The following GLRA1 variants were observed in gnomAD, a reference collection of about 807,000 sequenced individuals.
GLRA1 encodes glycine receptor subunit alpha-1.
GLRA1 carries 37 observed loss-of-function variants against 48.3 expected under a neutral mutation model. The observed-to-expected ratio is 0.77, with a 90% CI of 0.59 to 1.01. The LOEUF is 1.01. Ranked by LOEUF, GLRA1 falls within the 50% of genes least tolerant of loss-of-function variation. GLRA1 has a pLI of 0.00. For missense variants in GLRA1, 427 were observed against 571.0 expected, an observed-to-expected ratio of 0.75 and a Z score of 2.57; for synonymous variants, 196 against 210.7, an observed-to-expected ratio of 0.93 and a Z score of 0.60.
chr5:151,865,124 C>G lies in GLRA1; in HGVS notation c.253-5116G>C, dbSNP rs78196632. On this transcript the variant is annotated intron_variant, in intron 3 of 8. Transcript: ENST00000274576. ...TTTTATTTTTTCCAGCAACATTTAA[C>G]TGAGCTCTCTTAAGTGCCAGATACT... Among the ~76,000 whole-genome samples the G allele has an allele frequency of 8.6e-3, 1,308 of 152,272 alleles. 16 individuals carry two copies. Among genetic ancestry groups the G allele is most frequent in the African/African-American group, 0.03 (1,255 of 41,546 alleles).
intron 1 of GLRA1, among the ~76,000 whole-genome samples, chr5:151,892,750 T>C (rs1754111327): frequency 6.6e-6 from 1 of 152,140 alleles, no homozygotes; most frequent in African/African-American, 2.4e-5. Context: ...GAGAGAAGAT[T>C]GGAGGGTTAG....
intron 7 of GLRA1, chr5:151,850,401 A>G: frequency 8.1e-7 from 1 of 1,238,528 alleles, no homozygotes; most frequent in Non-Finnish European, 1.2e-6. Context: ...TCCCAAGCCC[A>G]TTCCTGGGAA....
intron 3 of GLRA1, among the ~76,000 whole-genome samples, chr5:151,883,447 G>A (rs919002242): frequency 2.0e-5 from 3 of 152,106 alleles, no homozygotes; most frequent in Admixed American, 2.0e-4. Context: ...TATAGGTTAT[G>A]AGAACTGGAT....
intron 1 of GLRA1, among the ~76,000 whole-genome samples, chr5:151,910,577 A>C (rs1057337938): frequency 1.3e-5 from 2 of 151,960 alleles, no homozygotes; most frequent in African/African-American, 4.8e-5. Context: ...GCCATTTTTG[A>C]CTTTTCTGCA....
chr5:151,912,269 T>G (rs1036612641), intron 1 of GLRA1, among the ~76,000 whole-genome samples: 2 of 151,250 alleles, frequency 1.3e-5, no homozygotes, highest in East Asian at 1.9e-4. Flanking sequence ...ACTGTTTTTT[T>G]TTTTTTTTTT....
chr5:151,853,776 T>C (rs1752969242), intron 6 of GLRA1, among the ~76,000 whole-genome samples: 1 of 152,166 alleles, frequency 6.6e-6, no homozygotes, highest in South Asian at 2.1e-4. Context: ...TAGGAATCTA[T>C]TGCCAAATCT....
chr5:151,842,366 A>C (rs534083171), intron 7 of GLRA1, among the ~76,000 whole-genome samples: 20 of 152,228 alleles, frequency 1.3e-4, no homozygotes, highest in African/African-American at 4.6e-4. Context: ...ACTCTCAGGA[A>C]AACACTAGCA....
At chr5:151,824,511 C>T (rs530074530) in intron 8 of GLRA1, among the ~76,000 whole-genome samples, 4 of 152,274 alleles carry the variant, frequency 2.6e-5, no homozygotes, top group African/African-American at 9.6e-5. Flanking sequence ...GTGTTCTATG[C>T]TTTAGTCACT....
At chr5:151,877,590 C>T (rs114352923) in intron 3 of GLRA1, among the ~76,000 whole-genome samples, 1 of 152,184 alleles carries the variant, frequency 6.6e-6, no homozygotes, top group Non-Finnish European at 1.5e-5. Flanking sequence ...GTGTCCCCAC[C>T]CAAATCTCAT....
intron 7 of GLRA1, chr5:151,850,407 GGGAA>G: frequency 8.1e-7 from 1 of 1,234,972 alleles, no homozygotes; most frequent in Non-Finnish European, 1.2e-6. Flanking sequence ...GCCCATTCCT[GGGAA>G]CAGGAAGTGT....
chr5:151,833,637 A>T (rs1232601909), intron 7 of GLRA1, among the ~76,000 whole-genome samples: 1 of 151,812 alleles, frequency 6.6e-6, no homozygotes, highest in African/African-American at 2.4e-5. Flanking sequence ...CTAATTTTGT[A>T]TTTTTAGTAG....
intron 1 of GLRA1, among the ~76,000 whole-genome samples, chr5:151,909,938 A>G (rs1424631850): frequency 1.3e-5 from 2 of 151,806 alleles, no homozygotes; most frequent in Non-Finnish European, 2.9e-5. Context: ...ATGAAATTGC[A>G]CAGTGAATTG....
chr5:151,859,646 G>T, intron 4 of GLRA1, 139 bp downstream of exon 4: 1 of 691,072 alleles, frequency 1.4e-6, no homozygotes, highest in Non-Finnish European at 2.7e-6. Context: ...ACAGAGCTGG[G>T]TCTACCTATT....
At chr5:151,876,939 C>T (rs189225606) in intron 3 of GLRA1, among the ~76,000 whole-genome samples, 180 of 152,266 alleles carry the variant, frequency 1.2e-3, no homozygotes, top group African/African-American at 4.2e-3. Context: ...AGATCTCTCT[C>T]TCTCTCTCTC....
intron 7 of GLRA1, among the ~76,000 whole-genome samples, chr5:151,848,106 T>C (rs931494669): frequency 5.3e-5 from 8 of 152,230 alleles, no homozygotes; most frequent in African/African-American, 1.9e-4. Flanking sequence ...GCTGCTATCT[T>C]AGAAAGGGCC....
At chr5:151,894,608 T>A (rs1301764952) in intron 1 of GLRA1, among the ~76,000 whole-genome samples, 1 of 152,208 alleles carries the variant, frequency 6.6e-6, no homozygotes, top group African/African-American at 2.4e-5. Context: ...GTTTGTGTTT[T>A]AAGAGCAGGA....
At chr5:151,924,470 T>C (rs1243928822) in intron 1 of GLRA1, 24 bp downstream of exon 1, 6 of 1,409,628 alleles carry the variant, frequency 4.3e-6, no homozygotes, top group Non-Finnish European at 6.0e-6. Context: ...ATCAGAGCGA[T>C]GTGGTCAGTA....
intron 1 of GLRA1, among the ~76,000 whole-genome samples, chr5:151,897,432 T>C (rs1409141213): frequency 6.6e-6 from 1 of 152,036 alleles, no homozygotes; most frequent in Admixed American, 6.5e-5. Flanking sequence ...CTGAACCTTA[T>C]AACAGTATTT....
intron 1 of GLRA1, among the ~76,000 whole-genome samples, chr5:151,923,011 C>T (rs1250920918): frequency 6.6e-6 from 1 of 152,194 alleles, no homozygotes; most frequent in Non-Finnish European, 1.5e-5. Flanking sequence ...AGAATACTTC[C>T]TGCCCTTTCC....
Sources: gnomAD v4.1 joint callset for allele counts (sites outside exome capture counted in the v4.1 genomes callset) on GRCh38, gnomAD v4.1.1 for gene constraint, MANE v1.5 for transcripts, NCBI Gene and HGNC (gene_info 2026-07-23, HGNC 2026-07-21) for gene names.